The following NALF1 variants were observed in gnomAD, a reference collection of about 807,000 sequenced individuals.
NALF1 encodes family with sequence similarity 155 member A.
Under a neutral mutation model 48.4 loss-of-function variants are expected in NALF1, and 3 were observed. That is an observed-to-expected ratio of 0.06 (90% confidence interval 0.03 to 0.16). The LOEUF (loss-of-function observed/expected upper bound fraction) is 0.16. NALF1 is among the 10% of genes least tolerant of loss of function. The pLI is 1.00. For synonymous variants in NALF1, 262 were observed against 245.7 expected (o/e 1.07, Z -0.62); for missense variants, 526 against 571.5 (o/e 0.92, Z 0.81).
chr13:107,201,684 T>A (rs1879524539), intron 2 of NALF1, among the ~76,000 whole-genome samples: 1 of 152,206 alleles, frequency 6.6e-6, no homozygotes, highest in African/African-American at 2.4e-5. Flanking sequence ...GTGATTGAAA[T>A]TATTTTCATT....
At chr13:107,459,081 C>T (rs1470422281) in intron 1 of NALF1, among the ~76,000 whole-genome samples, 1 of 151,542 alleles carries the variant, frequency 6.6e-6, no homozygotes, top group African/African-American at 2.4e-5. Flanking sequence ...AAAATTAAAA[C>T]CTTCTGCTCT....
At chr13:107,769,975 C>T (rs1392624367) in intron 1 of NALF1, among the ~76,000 whole-genome samples, 7 of 152,266 alleles carry the variant, frequency 4.6e-5, no homozygotes, top group Admixed American at 3.3e-4. Flanking sequence ...TGCAGTGGCG[C>T]GGTCTCGGCT....
At chr13:107,184,716 T>G (rs1029179267) in intron 2 of NALF1, among the ~76,000 whole-genome samples, 1 of 152,380 alleles carries the variant, frequency 6.6e-6, no homozygotes. Flanking sequence ...GAGCTGATGC[T>G]ATCTAAAACT....
At chr13:107,210,418 A>G (rs1198208071) in intron 2 of NALF1, among the ~76,000 whole-genome samples, 166 bp downstream of exon 2, 1 of 152,142 alleles carries the variant, frequency 6.6e-6, no homozygotes, top group Non-Finnish European at 1.5e-5. Flanking sequence ...TCATTTCCAG[A>G]CCTGTTGAGG....
intron 1 of NALF1, among the ~76,000 whole-genome samples, chr13:107,384,052 C>G (rs544675614): frequency 8.0e-4 from 122 of 152,210 alleles, no homozygotes; most frequent in African/African-American, 2.9e-3. Context: ...AGTTCAAGAT[C>G]AGCCTGGACA....
At chr13:107,703,394 G>A (rs1047028442) in intron 1 of NALF1, among the ~76,000 whole-genome samples, 2 of 132,214 alleles carry the variant, frequency 1.5e-5, no homozygotes, top group East Asian at 2.2e-4. Flanking sequence ...ACAGAGTCTC[G>A]CACTGTCACC....
chr13:107,578,243 AT>A (rs1392950532), intron 1 of NALF1, among the ~76,000 whole-genome samples: 4 of 150,762 alleles, frequency 2.7e-5, no homozygotes, highest in Admixed American at 1.3e-4. Context: ...ATCAACTTTT[AT>A]TTTTTTCTGG....
chr13:107,267,284 C>G (rs924162967), intron 1 of NALF1, among the ~76,000 whole-genome samples: 1 of 152,058 alleles, frequency 6.6e-6, no homozygotes, highest in Non-Finnish European at 1.5e-5. Flanking sequence ...GTAGATACCA[C>G]ATAAAATTGG....
intron 1 of NALF1, among the ~76,000 whole-genome samples, chr13:107,585,362 G>GA (rs1236741217): frequency 1.4e-4 from 18 of 132,562 alleles, no homozygotes; most frequent in African/African-American, 5.1e-4. Flanking sequence ...GCTTTCTCAG[G>GA]AAAAAAAATA....
intron 1 of NALF1, among the ~76,000 whole-genome samples, chr13:107,582,644 A>G (rs1878346058): frequency 6.6e-6 from 1 of 152,204 alleles, no homozygotes; most frequent in South Asian, 2.1e-4. Flanking sequence ...TTTTCTTAAA[A>G]TTTAATGTAA....
chr13:107,213,326 G>C (rs1341663480), intron 1 of NALF1, among the ~76,000 whole-genome samples: 3 of 149,338 alleles, frequency 2.0e-5, no homozygotes, highest in African/African-American at 7.4e-5. Context: ...ATGAAGAAAA[G>C]TGATCGAGCA....
intron 1 of NALF1, among the ~76,000 whole-genome samples, chr13:107,413,789 T>C (rs1449831835): frequency 1.3e-5 from 2 of 152,168 alleles, no homozygotes; most frequent in Non-Finnish European, 1.5e-5. Context: ...GAAATATTTT[T>C]AATATTTTAT....
chr13:107,269,986 G>GGT (rs372815760), intron 1 of NALF1, among the ~76,000 whole-genome samples: 39 of 136,242 alleles, frequency 2.9e-4, no homozygotes, highest in African/African-American at 1.1e-3. Context: ...TAGCCAGGAT[G>GGT]GTCTCGATTT....
intron 1 of NALF1, among the ~76,000 whole-genome samples, chr13:107,482,676 T>C (rs1462108777): frequency 1.3e-5 from 2 of 152,164 alleles, no homozygotes. Context: ...TGGTCTTGAA[T>C]AGTTGTCCTG....
At chr13:107,243,684 G>A (rs1336262604) in intron 1 of NALF1, among the ~76,000 whole-genome samples, 1 of 152,086 alleles carries the variant, frequency 6.6e-6, no homozygotes, top group Non-Finnish European at 1.5e-5. Flanking sequence ...CTCCTCTTCT[G>A]GTCTCCTTAT....
chr13:107,467,398 TA>T (rs1164939534), intron 1 of NALF1, among the ~76,000 whole-genome samples: 1 of 152,100 alleles, frequency 6.6e-6, no homozygotes, highest in Non-Finnish European at 1.5e-5. Context: ...ATTTCATGGT[TA>T]AAAAAACAGT....
intron 1 of NALF1, among the ~76,000 whole-genome samples, chr13:107,776,148 T>A (rs1441227282): frequency 1.3e-5 from 2 of 152,224 alleles, no homozygotes; most frequent in South Asian, 4.1e-4. Flanking sequence ...GGAGCATTTT[T>A]AAAATCATTA....
At chr13:107,593,910 T>G (rs182593738) in intron 1 of NALF1, among the ~76,000 whole-genome samples, 14 of 152,074 alleles carry the variant, frequency 9.2e-5, no homozygotes, top group Middle Eastern at 3.4e-3. Context: ...ATATTTAATC[T>G]TCCTAACAAT....
At chr13:107,667,954 C>A (rs951322788) in intron 1 of NALF1, among the ~76,000 whole-genome samples, 2 of 152,068 alleles carry the variant, frequency 1.3e-5, no homozygotes, top group African/African-American at 4.8e-5. Context: ...TTTATCTCTA[C>A]ATATATCTGC....
Sources: gnomAD v4.1 joint callset for allele counts (sites outside exome capture counted in the v4.1 genomes callset) on GRCh38, gnomAD v4.1.1 for gene constraint, MANE v1.5 for transcripts, NCBI Gene and HGNC (gene_info 2026-07-23, HGNC 2026-07-21) for gene names.